KATNA1: variants seen among roughly 807,000 people sequenced by gnomAD.
KATNA1 encodes katanin catalytic subunit A1.
A neutral mutation model predicts 62.6 loss-of-function variants in KATNA1; 42 were observed. The observed-to-expected ratio is 0.67, with a 90% CI of 0.52 to 0.87. KATNA1 has a LOEUF of 0.87. Ranked by LOEUF, KATNA1 falls within the 40% of genes least tolerant of loss-of-function variation. The probability of loss-of-function intolerance (pLI) is 0.00; values close to 1 mark genes in which losing one functional copy is unlikely to be tolerated. For missense variants in KATNA1, 498 were observed against 612.5 expected, an observed-to-expected ratio of 0.81 and a Z score of 1.97; for synonymous variants, 186 against 201.9, an observed-to-expected ratio of 0.92 and a Z score of 0.67.
intron 4 of KATNA1, among the ~76,000 whole-genome samples, chr6:149,619,713 A>C (rs1779319448): frequency 6.6e-6 from 1 of 152,204 alleles, no homozygotes; most frequent in Admixed American, 6.5e-5. Context: ...AGCCACTATG[A>C]ACAGTATGGA....
At chr6:149,617,978 A>T (rs1779239719) in intron 4 of KATNA1, among the ~76,000 whole-genome samples, 2 of 146,678 alleles carry the variant, frequency 1.4e-5, no homozygotes, top group Non-Finnish European at 3.0e-5. Context: ...AATAAAATAA[A>T]TAAATAAATA....
intron 3 of KATNA1, among the ~76,000 whole-genome samples, chr6:149,625,491 G>A (rs367833515): frequency 6.6e-6 from 1 of 151,894 alleles, no homozygotes; most frequent in African/African-American, 2.4e-5. Context: ...TTAGCTGGGT[G>A]TGGTGGCACG....
chr6:149,626,291 A>ATTTTTTTTT (rs1779603710), intron 3 of KATNA1, among the ~76,000 whole-genome samples: 1 of 74,366 alleles, frequency 1.3e-5, no homozygotes, highest in African/African-American at 7.8e-5. Flanking sequence ...TATAACATTT[A>ATTTTTTTTT]CTTTTTTTTT....
At position 149,638,486 on chromosome 6, in the gene KATNA1, TTTCCCA is replaced by T; in HGVS notation, c.56_61del (p.Leu19_Asn21delinsHis). On this transcript the variant is annotated inframe_deletion, in exon 2 of 11. Coordinates refer to ENST00000367411, the MANE Select transcript of KATNA1 (RefSeq NM_007044.4). ...ATAATAGACCATCGCAGAGTCATAG[TTTCCCA>T]GCAATGCATATTCACGAGCCAATTT... 6.2e-7 allele frequency: 1 copy of T among 1,613,896 alleles called. No individual in the cohort carries two copies. The highest frequency in any genetic ancestry group is 8.5e-7 in the Non-Finnish European group (1 of 1,179,858).
At chr6:149,635,310 A>T (rs1179648172) in intron 2 of KATNA1, among the ~76,000 whole-genome samples, 1 of 152,192 alleles carries the variant, frequency 6.6e-6, no homozygotes, top group Non-Finnish European at 1.5e-5. Context: ...TATAGTTTTG[A>T]TTCAACTGTA....
Position 149,604,652 on chromosome 6 carries a change from A to G in KATNA1, c.623+9T>C. On this transcript the variant is annotated intron_variant, in intron 5 of 10. Coordinates refer to ENST00000367411, the MANE Select transcript of KATNA1 (RefSeq NM_007044.4). ...CAGCACCCAATTATTTGGTTGTGAT[A>G]TAACTTACCATCGAACATTGGGATT... 6.2e-7 allele frequency: 1 copy of G among 1,613,714 alleles called. No individual in the cohort carries two copies. Among genetic ancestry groups the G allele is most frequent in the Non-Finnish European group, 8.5e-7 (1 of 1,179,636 alleles).
chr6:149,612,590 T>C (rs1375737303), intron 4 of KATNA1, among the ~76,000 whole-genome samples: 1 of 152,176 alleles, frequency 6.6e-6, no homozygotes, highest in African/African-American at 2.4e-5. Context: ...CAATTCATTT[T>C]ATAAAAGGCT....
At chr6:149,637,834 A>C (rs1780128662) in intron 2 of KATNA1, among the ~76,000 whole-genome samples, 1 of 152,008 alleles carries the variant, frequency 6.6e-6, no homozygotes. Flanking sequence ...AACAAAAAAA[A>C]CCCCTCTTAT....
chr6:149,645,458 A>G (rs1780449687), intron 1 of KATNA1, among the ~76,000 whole-genome samples: 1 of 147,358 alleles, frequency 6.8e-6, no homozygotes. Flanking sequence ...ACAAAAAACA[A>G]AAAAAAAAAA....
chr6:149,633,072 G>A (rs975484410), intron 2 of KATNA1, among the ~76,000 whole-genome samples, 156 bp from the exon 3 acceptor site: 14 of 147,536 alleles, frequency 9.5e-5, no homozygotes, highest in Non-Finnish European at 1.6e-4. Context: ...GTTAATAACA[G>A]TTTATTAAAT....
At chr6:149,602,291 C>T (rs1332759362) in intron 6 of KATNA1, among the ~76,000 whole-genome samples, 1 of 152,130 alleles carries the variant, frequency 6.6e-6, no homozygotes, top group African/African-American at 2.4e-5. Context: ...CAATTCAACC[C>T]GTTAGGCGGA....
At chr6:149,598,615 A>T (rs1778417694) in intron 7 of KATNA1, among the ~76,000 whole-genome samples, 2 of 152,010 alleles carry the variant, frequency 1.3e-5, no homozygotes, top group Non-Finnish European at 1.5e-5. Flanking sequence ...CCAGCTACTC[A>T]GGAGGCTAGG....
chr6:149,621,396 T>C (rs990936052), intron 4 of KATNA1, among the ~76,000 whole-genome samples: 2 of 151,976 alleles, frequency 1.3e-5, no homozygotes, highest in African/African-American at 2.4e-5. Context: ...AGTGCTGGGA[T>C]TACAGGCGTG....
At chr6:149,638,790 G>T (rs568791715) in intron 1 of KATNA1, among the ~76,000 whole-genome samples, 1 of 140,594 alleles carries the variant, frequency 7.1e-6, no homozygotes, top group African/African-American at 2.6e-5. Flanking sequence ...CGGCTGGAGC[G>T]CAATGGCATG....
chr6:149,605,114 A>G (rs1778689166), intron 4 of KATNA1, among the ~76,000 whole-genome samples: 1 of 151,932 alleles, frequency 6.6e-6, no homozygotes, highest in African/African-American at 2.4e-5. Context: ...CAGAGCTTGC[A>G]GTGAGCCAAG....
intron 4 of KATNA1, among the ~76,000 whole-genome samples, chr6:149,611,801 C>A (rs768815936): frequency 3.3e-5 from 5 of 151,906 alleles, no homozygotes; most frequent in Non-Finnish European, 5.9e-5. Context: ...AGATCGAGAC[C>A]ATCCTGGCTA....
intron 4 of KATNA1, among the ~76,000 whole-genome samples, chr6:149,613,808 A>G (rs1274954082): frequency 2.6e-5 from 4 of 152,214 alleles, no homozygotes. Context: ...GAAACTCAGT[A>G]GCTAATGTGC....
chr6:149,626,292 CTTT>C (rs544379629), intron 3 of KATNA1, among the ~76,000 whole-genome samples: 89 of 88,726 alleles, frequency 1.0e-3, no homozygotes, highest in African/African-American at 4.2e-3. Context: ...ATAACATTTA[CTTT>C]TTTTTTTTTT....
chr6:149,615,513 G>A (rs1244443639), intron 4 of KATNA1, among the ~76,000 whole-genome samples: 10 of 152,058 alleles, frequency 6.6e-5, no homozygotes, highest in Admixed American at 5.9e-4. Context: ...GAGTAATGTA[G>A]AAAATTAAGG....
Sources: allele counts gnomAD v4.1 joint callset (sites outside exome capture counted in the v4.1 genomes callset), GRCh38; gene constraint gnomAD v4.1.1; transcripts MANE v1.5; gene names NCBI Gene and HGNC (gene_info 2026-07-23, HGNC 2026-07-21).